Variants in UNC5C observed in about 807,000 individuals in gnomAD.
The protein encoded by UNC5C is unc-5 netrin receptor C.
Under a neutral mutation model 99.8 loss-of-function variants are expected in UNC5C, and 47 were observed. The ratio of observed to expected loss-of-function variants is 0.47; its 90% confidence interval spans 0.37 to 0.60. UNC5C has a LOEUF of 0.60. Among genes scored for constraint, UNC5C ranks in the 20% least tolerant of loss-of-function variants. The pLI is 0.00. For synonymous variants in UNC5C, 487 were observed against 452.2 expected, an observed-to-expected ratio of 1.08 and a Z score of -0.98; for missense variants, 1,062 against 1,165.9, an observed-to-expected ratio of 0.91 and a Z score of 1.30.
chr4:95,193,650 G>A (rs185047599), intron 12 of UNC5C, among the ~76,000 whole-genome samples: 3 of 152,152 alleles, frequency 2.0e-5, no homozygotes, highest in South Asian at 2.1e-4. Flanking sequence ...GTGCCTTTGC[G>A]ATGGTGGCTG....
In UNC5C at chr4:95,312,327, G is replaced by C. The variant is rs556707791; in HGVS notation, c.347-10578C>G. Among the ~76,000 whole-genome samples the C allele has an allele frequency of 2.6e-5, 4 of 152,236 alleles. No individual in the cohort carries two copies. The East Asian group carries it at 7.7e-4, about 29-fold the overall frequency. On this transcript the variant is annotated intron_variant, in intron 2 of 15. Transcript: ENST00000453304. ...TGTCCTATGCATTCTGTATCCATCA[G>C]TACAGTAACTGGCACATAATATTTG... is the stretch of plus-strand genomic sequence containing the variant.
chr4:95,196,163 C>G (rs1162146533), intron 12 of UNC5C, among the ~76,000 whole-genome samples: 1 of 152,114 alleles, frequency 6.6e-6, no homozygotes, highest in African/African-American at 2.4e-5. Context: ...TAAACTTACT[C>G]CAAATATAAC....
intron 4 of UNC5C, among the ~76,000 whole-genome samples, chr4:95,276,972 T>C (rs1740884403): frequency 6.6e-6 from 1 of 152,204 alleles, no homozygotes; most frequent in Admixed American, 6.5e-5. Context: ...GCCTAAATTT[T>C]CAATTAATTA....
rs1320142488 is a variant in UNC5C, at chr4:95,446,113, A to G, written c.124+102621T>C. Reference sequence around the variant, plus strand: ...CCTAAAGAGACCGGCCTCATTCAGAACTCATCTGTTCTTAAGTAACCAACG... The same window carrying G: ...CCTAAAGAGACCGGCCTCATTCAGAGCTCATCTGTTCTTAAGTAACCAACG... On this transcript the variant is annotated intron_variant, in intron 1 of 15. Transcript: ENST00000453304. 2.6e-5 allele frequency among the ~76,000 whole-genome samples: 4 copies of G among 152,094 alleles called. No individual in the cohort carries two copies. In the East Asian group the frequency reaches 7.7e-4, roughly 29 times the overall value.
intron 1 of UNC5C, among the ~76,000 whole-genome samples, chr4:95,368,261 CTAAG>C (rs1225419245): frequency 7.4e-6 from 1 of 134,276 alleles, no homozygotes; most frequent in Non-Finnish European, 1.6e-5. Flanking sequence ...TCTATAGAAA[CTAAG>C]TAAAATAACA....
intron 13 of UNC5C, among the ~76,000 whole-genome samples, chr4:95,183,798 C>T (rs1289173819): frequency 2.6e-5 from 4 of 152,168 alleles, no homozygotes; most frequent in Non-Finnish European, 4.4e-5. Flanking sequence ...CCCCTTATTT[C>T]GCTTACTTGA....
At chr4:95,376,072 A>G (rs1744887493) in intron 1 of UNC5C, among the ~76,000 whole-genome samples, 1 of 152,042 alleles carries the variant, frequency 6.6e-6, no homozygotes, top group Admixed American at 6.6e-5. Context: ...ACAAACAAAC[A>G]AACAAAAATA....
chr4:95,190,693 T>C (rs1737047401), intron 12 of UNC5C, among the ~76,000 whole-genome samples: 1 of 151,632 alleles, frequency 6.6e-6, no homozygotes, highest in Non-Finnish European at 1.5e-5. Flanking sequence ...CATCAATAAA[T>C]GTGTCTGTAG....
intron 5 of UNC5C, among the ~76,000 whole-genome samples, 179 bp downstream of exon 5, chr4:95,250,308 C>T (rs534714910): frequency 6.6e-6 from 1 of 152,090 alleles, no homozygotes; most frequent in African/African-American, 2.4e-5. Flanking sequence ...TCCCTTGAGC[C>T]TAGGAGGTTG....
chr4:95,221,305 G>T (rs1169353413), intron 7 of UNC5C, among the ~76,000 whole-genome samples: 1 of 152,172 alleles, frequency 6.6e-6, no homozygotes, highest in African/African-American at 2.4e-5. Context: ...GAACAACCTA[G>T]AATTTTATGG....
At chr4:95,448,742 C>T (rs1747194962) in intron 1 of UNC5C, among the ~76,000 whole-genome samples, 2 of 152,088 alleles carry the variant, frequency 1.3e-5, no homozygotes, top group South Asian at 4.1e-4. Context: ...GTCATTACAC[C>T]TGGGAAATAC....
chr4:95,389,813 TAATA>T (rs890055153), intron 1 of UNC5C, among the ~76,000 whole-genome samples: 4 of 152,102 alleles, frequency 2.6e-5, no homozygotes, highest in African/African-American at 9.7e-5. Flanking sequence ...AATCTATCAT[TAATA>T]GTTTAAAAAT....
rs1481734209 is a variant in UNC5C at position 95,167,031 on chromosome 4, TGAAA to T, written c.*2199_*2202del. On this transcript the variant is annotated 3_prime_UTR_variant, in exon 16 of 16. Coordinates refer to ENST00000453304, the MANE Select transcript of UNC5C (RefSeq NM_003728.4). ...AACAGAAGATACGGAATAAAAAGCA[TGAAA>T]GAAAGAAGAGGTTCCATAGCAAGGT... 1.8e-4 allele frequency: 28 copies of T among 152,184 alleles called. No homozygotes were observed. The highest frequency in any genetic ancestry group is 6.8e-3 in the Middle Eastern group (2 of 296). The allele number at this position is 152,184 out of a possible 1,614,324, so 9.4% of individuals were successfully genotyped here.
intron 12 of UNC5C, among the ~76,000 whole-genome samples, chr4:95,192,002 C>T (rs1446060631): frequency 1.5e-5 from 2 of 135,358 alleles, no homozygotes; most frequent in African/African-American, 2.8e-5. Flanking sequence ...TAATCCTCCT[C>T]TCCTGCTCAC....
Position 95,221,310 on chromosome 4 carries a change from T to C in UNC5C, c.1109-1134A>G, listed in dbSNP as rs542831349. 2.6e-5 allele frequency among the ~76,000 whole-genome samples: 4 copies of C among 152,238 alleles called. No homozygotes were observed. The South Asian group carries it at 8.3e-4, about 32-fold the overall frequency. On this transcript the variant is annotated intron_variant, in intron 7 of 15. Coordinates refer to ENST00000453304, the MANE Select transcript of UNC5C (RefSeq NM_003728.4). ...AGGTAGTCGAGAACAACCTAGAATT[T>C]TATGGTCAATTTTATATACATGTAC... is the stretch of plus-strand genomic sequence containing the variant.
rs1735826245 is a variant in UNC5C at position 95,165,511 on chromosome 4, C to G, written c.*3723G>C. ...GTTACACAGGTTTGTCATCACCATG[C>G]CAGTTATCAATTCTGAATCCAACTT... is the stretch of plus-strand genomic sequence containing the variant. On this transcript the variant is annotated 3_prime_UTR_variant, in exon 16 of 16. Coordinates refer to ENST00000453304, the MANE Select transcript of UNC5C (RefSeq NM_003728.4). 1 of 152,098 alleles carries G rather than the reference C, an allele frequency of 6.6e-6. No homozygotes were observed. Among genetic ancestry groups the G allele is most frequent in the Non-Finnish European group, 1.5e-5 (1 of 68,038 alleles). 9.4% of individuals were successfully genotyped at this position (152,098 alleles called of 1,614,324 possible). A position where few individuals can be genotyped will look rare whatever the true frequency, so the allele number is the denominator to read the frequency against.
intron 7 of UNC5C, among the ~76,000 whole-genome samples, chr4:95,225,218 G>A (rs957329216): frequency 2.0e-5 from 3 of 152,162 alleles, no homozygotes; most frequent in South Asian, 2.1e-4. Context: ...CACCATGTCC[G>A]GCTAATTTTG....
chr4:95,197,278 T>A (rs1460059757), intron 12 of UNC5C, among the ~76,000 whole-genome samples: 1 of 151,704 alleles, frequency 6.6e-6, no homozygotes, highest in East Asian at 1.9e-4. Flanking sequence ...CCTGGACTCA[T>A]TCCCTGAGAA....
At chr4:95,458,845 G>A (rs901777883) in intron 1 of UNC5C, among the ~76,000 whole-genome samples, 5 of 152,034 alleles carry the variant, frequency 3.3e-5, no homozygotes, top group South Asian at 2.1e-4. Context: ...GAACTTCATA[G>A]TAATCCCATA....
Sources: gnomAD v4.1 joint callset for allele counts (sites outside exome capture counted in the v4.1 genomes callset) on GRCh38, gnomAD v4.1.1 for gene constraint, MANE v1.5 for transcripts, NCBI Gene and HGNC (gene_info 2026-07-23, HGNC 2026-07-21) for gene names.